VPS8: variants seen among roughly 807,000 people sequenced by gnomAD.
VPS8 encodes vacuolar protein sorting-associated protein 8 homolog.
A neutral mutation model predicts 216.4 loss-of-function variants in VPS8; 129 were observed. The ratio of observed to expected loss-of-function variants is 0.60; its 90% CI spans 0.52 to 0.69. The LOEUF is 0.69. Ranked by LOEUF, VPS8 falls within the 30% of genes least tolerant of loss-of-function variation. The pLI, the probability that VPS8 is intolerant of heterozygous loss-of-function variation, is 0.00. For synonymous variants in VPS8, 571 were observed against 565.4 expected (o/e 1.01, Z -0.14); for missense variants, 1,531 against 1,683.5 (o/e 0.91, Z 1.59).
chr3:184,999,513 A>T (rs1753107754), intron 44 of VPS8, among the ~76,000 whole-genome samples, 183 bp from the exon 45 acceptor site: 1 of 152,216 alleles, frequency 6.6e-6, no homozygotes, highest in Non-Finnish European at 1.5e-5. Flanking sequence ...ATATGTATGA[A>T]TGTGGATTTT....
intron 43 of VPS8, among the ~76,000 whole-genome samples, chr3:184,995,698 T>C (rs935022797): frequency 1.3e-5 from 2 of 152,220 alleles, no homozygotes; most frequent in African/African-American, 2.4e-5. Context: ...ACTATATAAA[T>C]ACATAGAGCC....
intron 43 of VPS8, 24 bp from the exon 44 acceptor site, chr3:184,996,308 G>GT (rs1226977898): frequency 2.5e-6 from 4 of 1,582,980 alleles, no homozygotes; most frequent in Non-Finnish European, 3.4e-6. Context: ...TTGTTTGTTT[G>GT]TTTTTTGTTT....
At chr3:184,940,288 A>ATATG (rs1209029900) in intron 36 of VPS8, 45 bp downstream of exon 36, 1 of 802,524 alleles carries the variant, frequency 1.2e-6, no homozygotes, top group Non-Finnish European at 1.7e-6. Flanking sequence ...ATATATATAT[A>ATATG]TGAGAAATAA....
chr3:184,971,892 T>C, intron 40 of VPS8, 140 bp downstream of exon 40: 2 of 624,894 alleles, frequency 3.2e-6, no homozygotes, highest in Non-Finnish European at 2.8e-6. Flanking sequence ...CTGACCAACA[T>C]GGAGAAATCC....
chr3:184,988,023 G>A (rs922947406), intron 42 of VPS8, among the ~76,000 whole-genome samples: 1 of 152,118 alleles, frequency 6.6e-6, no homozygotes, highest in African/African-American at 2.4e-5. Flanking sequence ...TTGTTTTCTT[G>A]TTGTTGGGTT....
intron 1 of VPS8, among the ~76,000 whole-genome samples, chr3:184,818,424 G>A (rs1457815131): frequency 6.6e-6 from 1 of 151,440 alleles, no homozygotes; most frequent in Non-Finnish European, 1.5e-5. Flanking sequence ...TTGGGAGGCT[G>A]AAGTGGGAGG....
intron 45 of VPS8, among the ~76,000 whole-genome samples, chr3:185,005,715 A>G (rs1192885786): frequency 6.6e-6 from 1 of 152,032 alleles, no homozygotes; most frequent in Admixed American, 6.6e-5. Flanking sequence ...TAGTTGGTGT[A>G]TAGCAGTGCT....
chr3:184,999,586 G>T (rs1753120767), intron 44 of VPS8, 110 bp from the exon 45 acceptor site: 1 of 1,304,216 alleles, frequency 7.7e-7, no homozygotes, highest in East Asian at 2.5e-5. Context: ...ACAGCCATCA[G>T]TGCATTTCTA....
At chr3:184,861,763 T>C (rs1726420268) in intron 15 of VPS8, among the ~76,000 whole-genome samples, 1 of 152,190 alleles carries the variant, frequency 6.6e-6, no homozygotes, top group Admixed American at 6.5e-5. Context: ...TTACTAAACT[T>C]ATTGAGGTTC....
At chr3:184,837,818 T>C (rs1310603294) in intron 5 of VPS8, among the ~76,000 whole-genome samples, 2 of 152,240 alleles carry the variant, frequency 1.3e-5, no homozygotes, top group Non-Finnish European at 2.9e-5. Flanking sequence ...TGAGATGTAG[T>C]TCTGCCACTT....
chr3:184,898,676 A>T (rs1578143601), intron 24 of VPS8, 22 bp downstream of exon 24: 5 of 1,508,020 alleles, frequency 3.3e-6, no homozygotes, highest in African/African-American at 2.8e-5. Flanking sequence ...CCTAACTTGG[A>T]TACGTAATTA....
At chr3:184,957,991 C>T (rs946032663) in intron 37 of VPS8, among the ~76,000 whole-genome samples, 1 of 152,182 alleles carries the variant, frequency 6.6e-6, no homozygotes, top group Non-Finnish European at 1.5e-5. Flanking sequence ...CAGATAGAGG[C>T]GGGAGCAGAG....
chr3:184,973,200 T>G (rs903212503), intron 40 of VPS8, among the ~76,000 whole-genome samples: 1 of 152,184 alleles, frequency 6.6e-6, no homozygotes, highest in Non-Finnish European at 1.5e-5. Context: ...TGCAGAAGAA[T>G]GGGTTTTTTT....
chr3:184,972,517 C>T (rs1267453902), intron 40 of VPS8, among the ~76,000 whole-genome samples: 1 of 152,164 alleles, frequency 6.6e-6, no homozygotes, highest in Non-Finnish European at 1.5e-5. Flanking sequence ...CTAGAGTCAC[C>T]TGGGGAGCTT....
intron 34 of VPS8, among the ~76,000 whole-genome samples, chr3:184,933,757 T>C (rs185865781): frequency 1.4e-3 from 212 of 152,324 alleles, no homozygotes; most frequent in African/African-American, 5.0e-3. Context: ...TGCTCAGCAA[T>C]GCTACCTTTG....
intron 15 of VPS8, among the ~76,000 whole-genome samples, chr3:184,860,507 A>G (rs969111083): frequency 1.3e-5 from 2 of 151,636 alleles, no homozygotes; most frequent in Non-Finnish European, 2.9e-5. Context: ...ACACAGAAAG[A>G]GGGAGTCCTG....
In VPS8 at chr3:184,868,289, A is replaced by G. The variant is rs530520758; in HGVS notation, c.1506+230A>G. Reference sequence around the variant, plus strand: ...TCAAAATAATAGTGGCTTAAATAAGATTTCTCTGTCATGTAAAAGCACCTG... The same window carrying G: ...TCAAAATAATAGTGGCTTAAATAAGGTTTCTCTGTCATGTAAAAGCACCTG... On this transcript the variant is annotated intron_variant, in intron 18 of 47. Coordinates refer to ENST00000625842, the MANE Select transcript of VPS8 (RefSeq NM_001009921.3). 1.1e-5 allele frequency: 5 copies of G among 473,562 alleles called. No individual in the cohort carries two copies. In the South Asian group the frequency reaches 1.6e-4, roughly 15 times the overall value. 29.3% of individuals were successfully genotyped at this position (473,562 alleles called of 1,614,324 possible). A position where few individuals can be genotyped will look rare whatever the true frequency, so the allele number is the denominator to read the frequency against.
intron 21 of VPS8, among the ~76,000 whole-genome samples, chr3:184,885,051 A>G (rs1256486827): frequency 1.4e-4 from 21 of 152,190 alleles, no homozygotes; most frequent in Admixed American, 1.4e-3. Context: ...TCAAATCTAC[A>G]TGTAGTCATG....
chr3:184,940,855 A>G (rs1470270919), intron 36 of VPS8, among the ~76,000 whole-genome samples: 1 of 152,238 alleles, frequency 6.6e-6, no homozygotes, highest in Non-Finnish European at 1.5e-5. Flanking sequence ...CTGTAACTAC[A>G]TAGAGTACAT....
Sources: gnomAD v4.1 joint callset for allele counts (sites outside exome capture counted in the v4.1 genomes callset) on GRCh38, gnomAD v4.1.1 for gene constraint, MANE v1.5 for transcripts, NCBI Gene and HGNC (gene_info 2026-07-23, HGNC 2026-07-21) for gene names.